The following N4BP2 variants were observed in gnomAD, a reference collection of about 807,000 sequenced individuals.
The protein encoded by N4BP2 is NEDD4-binding protein 2.
N4BP2 carries 91 observed loss-of-function variants against 152.8 expected under a neutral mutation model. The observed-to-expected ratio is 0.60, with a 90% CI of 0.50 to 0.71. The LOEUF (loss-of-function observed/expected upper bound fraction) is 0.71, where lower values mean the gene tolerates loss of function less well. Among genes scored for constraint, N4BP2 ranks in the 30% least tolerant of loss-of-function variants. The pLI, the probability that N4BP2 is intolerant of heterozygous loss-of-function variation, is 0.00. For missense variants in N4BP2, 1,923 were observed against 2,059.1 expected (o/e 0.93, Z 1.28); for synonymous variants, 646 against 705.3 (o/e 0.92, Z 1.33).
At chr4:40,074,787 A>C (rs1018730762) in intron 2 of N4BP2, among the ~76,000 whole-genome samples, 2 of 151,984 alleles carry the variant, frequency 1.3e-5, no homozygotes, top group African/African-American at 4.8e-5. Flanking sequence ...CAGGCAGATC[A>C]CTTGAGGCCA....
chr4:40,092,214 G>A (rs187349952), intron 2 of N4BP2, among the ~76,000 whole-genome samples: 42 of 150,108 alleles, frequency 2.8e-4, no homozygotes, highest in Non-Finnish European at 5.3e-4. Flanking sequence ...AAGAGATTAT[G>A]TAGGATTAGT....
chr4:40,114,709 C>T (rs1717195679), intron 7 of N4BP2, among the ~76,000 whole-genome samples: 1 of 152,146 alleles, frequency 6.6e-6, no homozygotes, highest in African/African-American at 2.4e-5. Context: ...GTTTTAGGAT[C>T]ATGAAATTAA....
At chr4:40,181,324 G>A in the N4BP2 span, among the ~76,000 whole-genome samples, 3,297 of 152,058 alleles carry the variant, frequency 0.022, 133 homozygotes, top group African/African-American at 0.075. Flanking sequence ...CGTTTCTTCC[G>A]GATAGCAATT....
In N4BP2 at chr4:40,126,182, C is replaced by T; in HGVS notation, c.4379C>T (p.Ser1460Leu). The change falls in exon 12 of 18, where the codon TCA (serine) becomes TTA (leucine). Residue 1460 changes from serine to leucine, a missense_variant. By Grantham distance (145) the Ser-to-Leu change is moderately radical (BLOSUM62 -2). Coordinates refer to ENST00000261435, the MANE Select transcript of N4BP2 (RefSeq NM_018177.6). Reference protein sequence around the residue: ...HTGLDNPEQKSSQRTGKKLLK... With the variant: ...HTGLDNPEQKLSQRTGKKLLK... ...GGGCTTGATAATCCTGAACAAAAAT[C>T]ATCTCAGAGAACAGGCAAAAAATTA... is the stretch of plus-strand genomic sequence containing the variant. 6.2e-7 allele frequency: 1 copy of T among 1,606,202 alleles called. No individual in the cohort carries two copies. The highest frequency in any genetic ancestry group is 1.1e-5 in the South Asian group (1 of 89,146).
chr4:40,176,113 G>GA, the N4BP2 span, among the ~76,000 whole-genome samples: 8 of 148,514 alleles, frequency 5.4e-5, no homozygotes, highest in African/African-American at 1.5e-4. Flanking sequence ...AAAAGAGAAA[G>GA]AAAAAAAACA....
Position 40,097,470 on chromosome 4 carries a change from A to G in N4BP2, c.130A>G (p.Lys44Glu). 4 of 1,614,066 alleles carry G rather than the reference A, an allele frequency of 2.5e-6. No homozygotes were observed. The highest frequency in any genetic ancestry group is 2.5e-6 in the Non-Finnish European group (3 of 1,179,962). ...TTTLPSMGET[K>E]VDQEELFTSI... ...TACTCTACCTTCCATGGGTGAGACA[A>G]AAGTTGATCAGGAAGAACTCTTCAC... Residue 44 changes from lysine to glutamate, a missense_variant, in exon 3 of 18, where the codon AAA becomes GAA. Physicochemically the swap from Lys to Glu is moderately conservative, Grantham distance 56. Coordinates refer to ENST00000261435, the MANE Select transcript of N4BP2 (RefSeq NM_018177.6).
At chr4:40,094,366 G>T (rs1443000273) in intron 2 of N4BP2, among the ~76,000 whole-genome samples, 1 of 151,986 alleles carries the variant, frequency 6.6e-6, no homozygotes, top group Non-Finnish European at 1.5e-5. Context: ...TTAATTATTG[G>T]TGTTGTTGAG....
intron 4 of N4BP2, among the ~76,000 whole-genome samples, chr4:40,105,712 G>A (rs960818554): frequency 6.6e-6 from 1 of 151,738 alleles, no homozygotes; most frequent in East Asian, 1.9e-4. Context: ...CACCACACCC[G>A]GCTCATTTTT....
the N4BP2 span, among the ~76,000 whole-genome samples, chr4:40,169,602 A>T: frequency 6.6e-6 from 1 of 151,728 alleles, no homozygotes. Flanking sequence ...AAACCTACAA[A>T]AGCCAGCAAG....
intron 3 of N4BP2, among the ~76,000 whole-genome samples, chr4:40,098,947 A>G (rs1715356219): frequency 6.6e-6 from 1 of 152,160 alleles, no homozygotes; most frequent in African/African-American, 2.4e-5. Flanking sequence ...TGTATTTTTA[A>G]TGGGTTTCTA....
intron 2 of N4BP2, among the ~76,000 whole-genome samples, chr4:40,087,662 C>T (rs1194312583): frequency 6.6e-6 from 1 of 152,158 alleles, no homozygotes; most frequent in East Asian, 1.9e-4. Context: ...CCTTCCCCCA[C>T]TCCACGTGCA....
At chr4:40,066,679 C>T (rs955923798) in intron 1 of N4BP2, among the ~76,000 whole-genome samples, 2 of 152,132 alleles carry the variant, frequency 1.3e-5, no homozygotes, top group African/African-American at 2.4e-5. Flanking sequence ...GCTAAATCAC[C>T]TTGTCTCAGT....
intron 12 of N4BP2, among the ~76,000 whole-genome samples, chr4:40,128,105 C>G (rs1346665487): frequency 6.6e-6 from 1 of 152,124 alleles, no homozygotes; most frequent in East Asian, 1.9e-4. Context: ...GCCATACTTG[C>G]AGTAGATTTC....
At chr4:40,167,433 T>C in the N4BP2 span, 2 of 152,150 alleles carry the variant, frequency 1.3e-5, no homozygotes, top group African/African-American at 4.8e-5. Flanking sequence ...TATATAAGAT[T>C]CCAGACAGAA....
the N4BP2 span, among the ~76,000 whole-genome samples, chr4:40,181,268 C>T: frequency 6.6e-6 from 1 of 152,190 alleles, no homozygotes; most frequent in African/African-American, 2.4e-5. Flanking sequence ...CTTCTTGTCT[C>T]TGTTTTCTTT....
chr4:40,070,773 A>G (rs1428885175), intron 1 of N4BP2, among the ~76,000 whole-genome samples: 1 of 151,648 alleles, frequency 6.6e-6, no homozygotes, highest in Non-Finnish European at 1.5e-5. Context: ...TACTATATTC[A>G]GATTTCCTGA....
At chr4:40,181,504 T>G in the N4BP2 span, among the ~76,000 whole-genome samples, 1 of 152,232 alleles carries the variant, frequency 6.6e-6, no homozygotes, top group Non-Finnish European at 1.5e-5. Flanking sequence ...CAAATGAAAC[T>G]GAGAGGTAGG....
At chr4:40,070,895 G>T (rs1464580446) in intron 1 of N4BP2, among the ~76,000 whole-genome samples, 1 of 150,254 alleles carries the variant, frequency 6.7e-6, no homozygotes, top group African/African-American at 2.5e-5. Flanking sequence ...CGTGATCTTC[G>T]CTCACTGCAA....
chr4:40,131,857 G>T lies in N4BP2; in HGVS notation c.4584G>T (p.Gln1528His). The change falls in exon 13 of 18, where the codon CAG becomes CAT. Residue 1528 changes from glutamine (Q) to histidine (H), a missense_variant. Coordinates refer to ENST00000261435, the MANE Select transcript of N4BP2 (RefSeq NM_018177.6). The part of the protein sequence containing the change: ...KDCATKLKEK[Q>H]LFKIFPAINQ... ...GTGCCACTAAACTAAAGGAGAAGCAGCTCTTTAAGATATTTCCAGCCATTA... is the reference window on the plus strand; with the variant it reads ...GTGCCACTAAACTAAAGGAGAAGCATCTCTTTAAGATATTTCCAGCCATTA... 6.2e-7 allele frequency: 1 copy of T among 1,613,672 alleles called. No homozygotes were observed. Among genetic ancestry groups the T allele is most frequent in the Non-Finnish European group, 8.5e-7 (1 of 1,179,756 alleles).
Sources: allele counts gnomAD v4.1 joint callset (sites outside exome capture counted in the v4.1 genomes callset), GRCh38; gene constraint gnomAD v4.1.1; transcripts MANE v1.5; gene names NCBI Gene and HGNC (gene_info 2026-07-23, HGNC 2026-07-21).